The following SYNE1 variants were observed in gnomAD, a reference collection of about 807,000 sequenced individuals.
The protein encoded by SYNE1 is spectrin repeat containing nuclear envelope protein 1.
SYNE1 carries 616 observed loss-of-function variants against 1,111.0 expected under a neutral mutation model. That is an observed-to-expected ratio of 0.55 (90% CI 0.52 to 0.59). SYNE1 has a LOEUF of 0.59. Ranked by LOEUF, SYNE1 falls within the 20% of genes least tolerant of loss-of-function variation. SYNE1 has a pLI of 0.00. For synonymous variants in SYNE1, 3,855 were observed against 3,825.8 expected (o/e 1.01, Z -0.28); for missense variants, 10,006 against 10,417.0 (o/e 0.96, Z 1.72).
Position 152,431,066 on chromosome 6 carries a change from G to A in SYNE1, c.4462-357C>T, listed in dbSNP as rs193254770. Among the ~76,000 whole-genome samples the A allele has an allele frequency of 2.0e-5, 3 of 152,300 alleles. No homozygotes were observed. The East Asian group carries it at 5.8e-4, about 29-fold the overall frequency. On this transcript the variant is annotated intron_variant, in intron 34 of 145. Coordinates refer to ENST00000367255, the MANE Select transcript of SYNE1 (RefSeq NM_182961.4). Reference sequence around the variant, plus strand: ...AGGCGTTTTAATTAACTGAGCTGGGGAAGCATTGTGTTTCAGTAACTCATT... The same window carrying A: ...AGGCGTTTTAATTAACTGAGCTGGGAAAGCATTGTGTTTCAGTAACTCATT...
At chr6:152,575,649 G>A (rs2128354491) in intron 3 of SYNE1, among the ~76,000 whole-genome samples, 1 of 152,264 alleles carries the variant, frequency 6.6e-6, no homozygotes, top group East Asian at 1.9e-4. Flanking sequence ...GATCTTTGCA[G>A]TCAGAACAGC....
chr6:152,202,000 T>G, intron 126 of SYNE1, 51 bp from the exon 127 acceptor site: 1 of 1,590,928 alleles, frequency 6.3e-7, no homozygotes, highest in Non-Finnish European at 8.6e-7. Flanking sequence ...TGTAGGAAAC[T>G]GGGGGGGGAA....
chr6:152,480,696 A>G, intron 14 of SYNE1: 1 of 451,428 alleles, frequency 2.2e-6, no homozygotes, highest in African/African-American at 2.0e-5. Context: ...CAATGAAAAG[A>G]TCATTCTAAT....
Position 152,390,413 on chromosome 6 carries a change from T to C in SYNE1, c.8044A>G (p.Asn2682Asp). Residue 2682 changes from asparagine (N) to aspartate (D), a missense_variant, in exon 53 of 146, where the codon AAT (asparagine) becomes GAT (aspartate). Transcript: ENST00000367255. ...LMKGEGEVKL[N>D]MAIGKGEQAL... ...TGTTCCCCCTTGCCAATGGCCATATTCAACTTAACTTCCCCTTCACCTTTC... is the reference window on the plus strand; with the variant it reads ...TGTTCCCCCTTGCCAATGGCCATATCCAACTTAACTTCCCCTTCACCTTTC... 1.2e-6 allele frequency: 2 copies of C among 1,614,164 alleles called. No individual in the cohort carries two copies. The highest frequency in any genetic ancestry group is 1.7e-6 in the Non-Finnish European group (2 of 1,180,014).
At position 152,381,196 on chromosome 6, in the gene SYNE1, G is replaced by T; in HGVS notation, c.8819C>A (p.Thr2940Lys). Residue 2940 changes from threonine (T) to lysine (K), a missense_variant, in exon 56 of 146, where the codon ACG becomes AAG. Physicochemically the swap from Thr to Lys is moderately conservative, Grantham distance 78. Transcript: ENST00000367255. ...WKQWEDSVFQ[T>K]QSCLENLVSQ... ...GACCAGGTTCTCCAAACAGCTCTGC[G>T]TTTGGAATACACTGTCTTCCCACTG... is the stretch of plus-strand genomic sequence containing the variant. The T allele has an allele frequency of 1.2e-6, 2 of 1,614,148 alleles. No homozygotes were observed. The highest frequency in any genetic ancestry group is 2.2e-5 in the South Asian group (2 of 91,084).
At chr6:152,307,813 A>C (rs2095423885) in intron 91 of SYNE1, among the ~76,000 whole-genome samples, 1 of 151,568 alleles carries the variant, frequency 6.6e-6, no homozygotes, top group Non-Finnish European at 1.5e-5. Context: ...TCAAAGAAGA[A>C]AATGTTTAAA....
At position 152,256,729 on chromosome 6, in the gene SYNE1, G is replaced by A. The variant is rs866565306; in HGVS notation, c.19009C>T (p.Pro6337Ser). 2 of 1,613,906 alleles carry A rather than the reference G, an allele frequency of 1.2e-6. No homozygotes were observed. The highest frequency in any genetic ancestry group is 1.7e-6 in the Non-Finnish European group (2 of 1,179,866). Residue 6337 changes from proline (P) to serine (S), a missense_variant, in exon 102 of 146, where the codon CCA becomes TCA. Pro to Ser is a moderately conservative substitution (Grantham distance 74, BLOSUM62 -1). This residue lies in a region of SYNE1 where 2,182 missense variants were observed against 2,287.8 expected (regional missense o/e 0.95). Transcript: ENST00000367255. Reference protein sequence around the residue: ...SRPNRLLSGVPLYKGDVPTQD... With the variant: ...SRPNRLLSGVSLYKGDVPTQD... The stretch of plus-strand genomic sequence containing the variant: ...GTTGGCACGTCCCCTTTGTACAGTG[G>A]CACACCAGACAAGAGTCGATTTGGC...
chr6:152,552,246 G>A (rs2099349683), intron 3 of SYNE1, among the ~76,000 whole-genome samples: 1 of 152,244 alleles, frequency 6.6e-6, no homozygotes, highest in South Asian at 2.1e-4. Context: ...TTCTCAGAGA[G>A]TGCTTTCAAA....
At chr6:152,632,931 G>T (rs1565319864) in intron 2 of SYNE1, among the ~76,000 whole-genome samples, 1 of 152,008 alleles carries the variant, frequency 6.6e-6, no homozygotes, top group Non-Finnish European at 1.5e-5. Context: ...AAATGCAGAG[G>T]TACTCCCAAG....
At chr6:152,470,578 A>AT (rs984004371) in intron 16 of SYNE1, among the ~76,000 whole-genome samples, 53 of 152,222 alleles carry the variant, frequency 3.5e-4, no homozygotes, top group African/African-American at 1.2e-3. Context: ...CAGTTAAATC[A>AT]TTTTTTTCTC....
At chr6:152,333,651 G>T (rs1376734831) in intron 77 of SYNE1, among the ~76,000 whole-genome samples, 1 of 151,586 alleles carries the variant, frequency 6.6e-6, no homozygotes, top group Non-Finnish European at 1.5e-5. Context: ...TTATTTTTTT[G>T]AGACAGGGTC....
intron 14 of SYNE1, among the ~76,000 whole-genome samples, chr6:152,474,871 G>T (rs151092772): frequency 6.6e-6 from 1 of 152,116 alleles, no homozygotes; most frequent in African/African-American, 2.4e-5. Context: ...GAAAAATGAG[G>T]AAGGAGACAA....
intron 51 of SYNE1, among the ~76,000 whole-genome samples, chr6:152,392,107 GT>G (rs1218085559): frequency 6.6e-6 from 1 of 152,130 alleles, no homozygotes; most frequent in Non-Finnish European, 1.5e-5. Flanking sequence ...GGTGGGGATT[GT>G]GGGACCTCTT....
intron 131 of SYNE1, among the ~76,000 whole-genome samples, chr6:152,160,174 A>AT (rs2062171109): frequency 6.6e-6 from 1 of 151,850 alleles, no homozygotes; most frequent in African/African-American, 2.4e-5. Context: ...GCCCAGCTAA[A>AT]TTTTTGTATT....
In SYNE1 at chr6:152,255,761, A is replaced by G; in HGVS notation, c.19105-15T>C. The G allele has an allele frequency of 1.2e-6, 2 of 1,614,100 alleles. No individual in the cohort carries two copies. Among genetic ancestry groups the G allele is most frequent in the Non-Finnish European group, 8.5e-7 (1 of 1,179,940 alleles). ...GCCCCTCCACTCTGGGAAACACAAA[A>G]CAGGGTCAAATAATCAATTTCAGTG... On this transcript the variant is annotated splice_polypyrimidine_tract_variant and intron_variant, in intron 102 of 145. Coordinates refer to ENST00000367255, the MANE Select transcript of SYNE1 (RefSeq NM_182961.4).
At chr6:152,363,819 T>C (rs1192230527) in intron 63 of SYNE1, 1 of 452,772 alleles carries the variant, frequency 2.2e-6, no homozygotes, top group Non-Finnish European at 4.4e-6. Flanking sequence ...TATGAGTTTG[T>C]CTCTAAATAC....
At chr6:152,527,825 T>C (rs538345606) in intron 4 of SYNE1, among the ~76,000 whole-genome samples, 1 of 152,326 alleles carries the variant, frequency 6.6e-6, no homozygotes, top group South Asian at 2.1e-4. Context: ...TCTTCATCTG[T>C]TTCGATTTTA....
In SYNE1 at chr6:152,463,436, C is replaced by A. The variant is rs190948658; in HGVS notation, c.2014G>T (p.Asp672Tyr). 2 of 1,613,774 alleles carry A rather than the reference C, an allele frequency of 1.2e-6. No individual in the cohort carries two copies. The highest frequency in any genetic ancestry group is 2.7e-5 in the African/African-American group (2 of 75,010). ...TTCAGGTCACGGGAAACCATCTCATCACAGGTTTCAATTAGAAAATTGCCA... is the reference window on the plus strand; with the variant it reads ...TTCAGGTCACGGGAAACCATCTCATAACAGGTTTCAATTAGAAAATTGCCA... The part of the protein sequence containing the change: ...DAGNFLIETC[D>Y]EMVSRDLKQQ... Residue 672 changes from aspartate (D) to tyrosine (Y), a missense_variant, in exon 19 of 146, where the codon GAT becomes TAT. Physicochemically the swap from Asp to Tyr is radical, Grantham distance 160. Around this residue, in one of 7 missense-constraint regions of SYNE1, gnomAD observed 1,971 missense variants for 2,084.1 expected, o/e 0.95. Coordinates refer to ENST00000367255, the MANE Select transcript of SYNE1 (RefSeq NM_182961.4).
chr6:152,266,545 A>G (rs1181986828), intron 100 of SYNE1, among the ~76,000 whole-genome samples: 1 of 152,136 alleles, frequency 6.6e-6, no homozygotes, highest in Non-Finnish European at 1.5e-5. Context: ...TACACAACAG[A>G]CAGTTTTTAA....
Sources: allele counts gnomAD v4.1 joint callset (sites outside exome capture counted in the v4.1 genomes callset), GRCh38; gene constraint gnomAD v4.1.1; regional missense constraint gnomAD v4.1.1; transcripts MANE v1.5; gene names NCBI Gene and HGNC (gene_info 2026-07-23, HGNC 2026-07-21).